Variants in NKAIN2 observed in about 807,000 individuals in gnomAD.
NKAIN2 encodes the protein sodium/potassium transporting ATPase interacting 2.
Under a neutral mutation model 32.6 loss-of-function variants are expected in NKAIN2, and 14 were observed. The ratio of observed to expected loss-of-function variants is 0.43; its 90% CI spans 0.28 to 0.67. The LOEUF (loss-of-function observed/expected upper bound fraction) is 0.67. Among genes scored for constraint, NKAIN2 ranks in the 30% least tolerant of loss-of-function variants. The pLI, the probability that NKAIN2 is intolerant of heterozygous loss-of-function variation, is 0.17. For synonymous variants in NKAIN2, 80 were observed against 87.2 expected (o/e 0.92, Z 0.46); for missense variants, 198 against 258.3 (o/e 0.77, Z 1.60).
intron 5 of NKAIN2, among the ~76,000 whole-genome samples, chr6:124,803,428 G>T (rs1422391681): frequency 6.6e-6 from 1 of 152,080 alleles, no homozygotes; most frequent in Non-Finnish European, 1.5e-5. Context: ...AGTTCCTTTT[G>T]CCCACAAATG....
chr6:124,606,976 T>C (rs953769990), intron 3 of NKAIN2, among the ~76,000 whole-genome samples: 1 of 152,168 alleles, frequency 6.6e-6, no homozygotes, highest in Non-Finnish European at 1.5e-5. Context: ...AGGTCATTCA[T>C]CAATGTGAGT....
chr6:124,257,903 C>T (rs759649687), intron 1 of NKAIN2, among the ~76,000 whole-genome samples: 96 of 151,586 alleles, frequency 6.3e-4, no homozygotes, highest in Non-Finnish European at 8.8e-4. Context: ...CTCAGCCTCC[C>T]AAGTAGCTGG....
At chr6:124,760,890 C>T (rs896316473) in intron 4 of NKAIN2, among the ~76,000 whole-genome samples, 4 of 152,236 alleles carry the variant, frequency 2.6e-5, no homozygotes, top group Admixed American at 6.5e-5. Context: ...GAATGAGCCA[C>T]GGATTTTTGT....
At chr6:124,596,823 T>C (rs889991793) in intron 3 of NKAIN2, among the ~76,000 whole-genome samples, 3 of 152,094 alleles carry the variant, frequency 2.0e-5, no homozygotes, top group Non-Finnish European at 2.9e-5. Flanking sequence ...CTCGTGGTTA[T>C]AGAGGCTGAC....
chr6:124,146,282 A>G (rs1787395047), intron 1 of NKAIN2, among the ~76,000 whole-genome samples: 1 of 152,302 alleles, frequency 6.6e-6, no homozygotes, highest in South Asian at 2.1e-4. Flanking sequence ...AAAAATGTAC[A>G]GTTTTCTTTT....
intron 1 of NKAIN2, among the ~76,000 whole-genome samples, chr6:124,058,828 A>G (rs562453990): frequency 7.2e-5 from 11 of 152,232 alleles, no homozygotes; most frequent in Admixed American, 6.6e-4. Flanking sequence ...ACTCATTTGC[A>G]TATTGTCTCT....
At chr6:124,275,638 T>C (rs1794995087) in intron 1 of NKAIN2, among the ~76,000 whole-genome samples, 2 of 152,154 alleles carry the variant, frequency 1.3e-5, no homozygotes, top group African/African-American at 4.8e-5. Context: ...CAGGAAAACA[T>C]TTCTCAAGAA....
At chr6:124,712,482 T>C (rs1436742514) in intron 4 of NKAIN2, among the ~76,000 whole-genome samples, 1 of 115,250 alleles carries the variant, frequency 8.7e-6, no homozygotes, top group African/African-American at 3.6e-5. Flanking sequence ...TCCGTGGGCG[T>C]AGGACCCTCC....
intron 3 of NKAIN2, among the ~76,000 whole-genome samples, chr6:124,443,341 G>C (rs1292186090): frequency 6.6e-6 from 1 of 152,104 alleles, no homozygotes; most frequent in Non-Finnish European, 1.5e-5. Flanking sequence ...CAGACAATCA[G>C]TTCCCTTCAG....
chr6:124,277,804 GA>G (rs1795106043), intron 1 of NKAIN2, among the ~76,000 whole-genome samples: 1 of 151,864 alleles, frequency 6.6e-6, no homozygotes, highest in African/African-American at 2.4e-5. Context: ...GATATCCATA[GA>G]TAAGTTTAAT....
chr6:124,158,172 C>G (rs977758304), intron 1 of NKAIN2, among the ~76,000 whole-genome samples: 6 of 152,158 alleles, frequency 3.9e-5, no homozygotes, highest in African/African-American at 1.4e-4. Context: ...TCTTCTGAGG[C>G]CTCTCTGCTT....
chr6:124,611,734 GGTAA>G (rs1278311148), intron 3 of NKAIN2, among the ~76,000 whole-genome samples: 4 of 152,086 alleles, frequency 2.6e-5, no homozygotes, highest in East Asian at 3.9e-4. Context: ...TAAGAAAAGA[GGTAA>G]GTGTTTACTA....
intron 1 of NKAIN2, among the ~76,000 whole-genome samples, chr6:123,892,477 A>ATGAGACTCTCG (rs1774066459): frequency 6.6e-6 from 1 of 151,760 alleles, no homozygotes; most frequent in African/African-American, 2.4e-5. Flanking sequence ...ATCAGCTCTC[A>ATGAGACTCTCG]TGAGACTCGC....
At chr6:124,670,032 G>A (rs1197652179) in intron 4 of NKAIN2, among the ~76,000 whole-genome samples, 8 of 152,000 alleles carry the variant, frequency 5.3e-5, no homozygotes, top group Non-Finnish European at 7.4e-5. Context: ...ATGTAGGTTG[G>A]TGCAAAAGTA....
intron 1 of NKAIN2, among the ~76,000 whole-genome samples, chr6:123,928,199 T>C (rs1243211746): frequency 6.6e-6 from 1 of 152,014 alleles, no homozygotes; most frequent in African/African-American, 2.4e-5. Context: ...GAGCTAAACA[T>C]TGAGTACTCA....
chr6:124,497,067 G>T (rs891099374), intron 3 of NKAIN2, among the ~76,000 whole-genome samples: 3 of 152,052 alleles, frequency 2.0e-5, no homozygotes, highest in African/African-American at 7.2e-5. Flanking sequence ...GAGGGAGAAA[G>T]GTTCACTTCC....
intron 1 of NKAIN2, among the ~76,000 whole-genome samples, chr6:124,160,856 A>T (rs141827768): frequency 4.6e-5 from 7 of 152,202 alleles, no homozygotes; most frequent in South Asian, 4.1e-4. Context: ...CTGCTTTTCC[A>T]TAGGAGTTTC....
chr6:124,455,854 G>T (rs1776300608), intron 3 of NKAIN2, among the ~76,000 whole-genome samples: 1 of 151,846 alleles, frequency 6.6e-6, no homozygotes, highest in African/African-American at 2.4e-5. Context: ...TGTCCCTTCA[G>T]CCTGATTGGT....
intron 1 of NKAIN2, among the ~76,000 whole-genome samples, chr6:124,224,391 C>T (rs2114708052): frequency 6.6e-6 from 1 of 152,186 alleles, no homozygotes; most frequent in African/African-American, 2.4e-5. Flanking sequence ...TTAACAAAAG[C>T]TGTTTTGTGC....
Sources: gnomAD v4.1 joint callset for allele counts (sites outside exome capture counted in the v4.1 genomes callset) on GRCh38, gnomAD v4.1.1 for gene constraint, MANE v1.5 for transcripts, NCBI Gene and HGNC (gene_info 2026-07-23, HGNC 2026-07-21) for gene names.